TFAP4: variants seen among roughly 807,000 people sequenced by gnomAD.
TFAP4 encodes the protein transcription factor AP-4, also known as activating enhancer-binding protein 4.
Under a neutral mutation model 40.4 loss-of-function variants are expected in TFAP4, and 7 were observed. The ratio of observed to expected loss-of-function variants is 0.17; its 90% CI spans 0.10 to 0.33. TFAP4 has a LOEUF of 0.33. Ranked by LOEUF, TFAP4 falls within the 10% of genes least tolerant of loss-of-function variation. The pLI, the probability that TFAP4 is intolerant of heterozygous loss-of-function variation, is 1.00. For missense variants in TFAP4, 374 were observed against 451.1 expected (o/e 0.83, Z 1.55); for synonymous variants, 218 against 181.4 (o/e 1.20, Z -1.62).
intron 5 of TFAP4, 91 bp from the exon 6 acceptor site, chr16:4,260,336 C>T (rs530201431): frequency 1.2e-5 from 18 of 1,506,484 alleles, no homozygotes; most frequent in Non-Finnish European, 1.6e-5. Context: ...GTATAACTGC[C>T]TCTGCCCCTT....
chr16:4,263,485 T>A (rs1487320451), intron 1 of TFAP4: 1 of 152,234 alleles, frequency 6.6e-6, no homozygotes, highest in African/African-American at 2.4e-5. Context: ...ACCCCAGGAC[T>A]GAGGAAGACG....
At position 4,272,777 on chromosome 16, in the gene TFAP4, A is replaced by G. The variant is rs764881973; in HGVS notation, c.-31T>C. 5 of 1,603,036 alleles carry G rather than the reference A, an allele frequency of 3.1e-6. No individual in the cohort carries two copies. In the African/African-American group the frequency reaches 6.7e-5, roughly 21 times the overall value. ...TCGGCCCCCCTCCTCTGCACGAGCC[A>G]GGTCCCGCGATCAGCCGGAGAATGC... On this transcript the variant is annotated 5_prime_UTR_variant, in exon 1 of 7. Coordinates refer to ENST00000204517, the MANE Select transcript of TFAP4 (RefSeq NM_003223.3).
chr16:4,260,897 C>T lies in TFAP4; in HGVS notation c.526-302G>A, dbSNP rs1033517854. Among the ~76,000 whole-genome samples the T allele has an allele frequency of 5.9e-5, 9 of 152,234 alleles. No individual in the cohort carries two copies. The East Asian group carries it at 1.5e-3, about 26-fold the overall frequency. On this transcript the variant is annotated intron_variant, in intron 4 of 6. Coordinates refer to ENST00000204517, the MANE Select transcript of TFAP4 (RefSeq NM_003223.3). ...CAACTTCCCACTTCCATGGAGATGC[C>T]GTGGGGCGTCCCTTGAAAAACCCCT...
At chr16:4,261,612 C>T (rs1374141669) in intron 4 of TFAP4, among the ~76,000 whole-genome samples, 167 bp downstream of exon 4, 1 of 152,168 alleles carries the variant, frequency 6.6e-6, no homozygotes, top group Non-Finnish European at 1.5e-5. Context: ...AGACGGTGGC[C>T]CCCAAGGGCA....
intron 5 of TFAP4, 75 bp from the exon 6 acceptor site, chr16:4,260,320 G>T: frequency 6.6e-7 from 1 of 1,510,476 alleles, no homozygotes; most frequent in Non-Finnish European, 8.8e-7. Flanking sequence ...TGCAGAGCTG[G>T]CCAATGTATA....
rs754907282 is a variant in TFAP4 at position 4,262,574 on chromosome 16, T to A, written c.217A>T (p.Thr73Ser). Reference protein sequence around the residue: ...SINAGFQSLKTLIPHTDGEKL... With the variant: ...SINAGFQSLKSLIPHTDGEKL... ...TCTCCGTCTGTGTGGGGGATGAGGG[T>A]CTTGAGGGACTGGAATCCCGCGTTG... The change falls in exon 2 of 7, where the codon ACC becomes TCC. Residue 73 changes from threonine (T) to serine (S), a missense_variant. Transcript: ENST00000204517. 1 of 1,612,416 alleles carries A rather than the reference T, an allele frequency of 6.2e-7. No homozygotes were observed. Among genetic ancestry groups the A allele is most frequent in the South Asian group, 1.1e-5 (1 of 91,074 alleles).
intron 4 of TFAP4, among the ~76,000 whole-genome samples, chr16:4,261,356 T>C (rs1285385794): frequency 1.3e-5 from 2 of 151,670 alleles, no homozygotes; most frequent in Non-Finnish European, 2.9e-5. Context: ...CTCGGCTCAC[T>C]GCAAGCTCTG....
chr16:4,258,494 G>C (rs1349564889), intron 6 of TFAP4: 6 of 383,440 alleles, frequency 1.6e-5, no homozygotes, highest in Non-Finnish European at 2.8e-5. Context: ...GCTTACTGCA[G>C]TCAGACTCCT....
In TFAP4 at chr16:4,272,669, T is replaced by G; in HGVS notation, c.78A>C (p.Gly26=). 6.2e-7 allele frequency: 1 copy of G among 1,612,376 alleles called. No individual in the cohort carries two copies. The highest frequency in any genetic ancestry group is 1.1e-5 in the South Asian group (1 of 90,912). ...HFRKTEKEVI[G]GLCSLANIPL... The stretch of plus-strand genomic sequence containing the variant: ...GGAGGAGTACACACCTACAGAGCCC[T>G]CCTATCACTTCTTTCTCTGTTTTCC... Residue 26 remains glycine, a synonymous_variant, in exon 1 of 7, where the codon GGA becomes GGC. Transcript: ENST00000204517.
chr16:4,267,605 G>T (rs2053007748), intron 1 of TFAP4, among the ~76,000 whole-genome samples: 1 of 152,164 alleles, frequency 6.6e-6, no homozygotes, highest in Admixed American at 6.5e-5. Flanking sequence ...CTCCTGCCCA[G>T]GCCAAAGTCA....
In TFAP4 at chr16:4,258,143, G is replaced by C. The variant is rs778649498; in HGVS notation, c.929C>G (p.Ser310Cys). ...GGCCTCGGAGTCGGAGGCGGTGTCAGAGGTGGGGGCCTCCGGGCAGCTGCG... is the reference window on the plus strand; with the variant it reads ...GGCCTCGGAGTCGGAGGCGGTGTCACAGGTGGGGGCCTCCGGGCAGCTGCG... ...PVRSCPEAPT[S>C]DTASDSEASD... Residue 310 changes from serine (S) to cysteine (C), a missense_variant, in exon 7 of 7, where the codon TCT becomes TGT. Ser to Cys is a moderately radical substitution (Grantham distance 112, BLOSUM62 -1). Coordinates refer to ENST00000204517, the MANE Select transcript of TFAP4 (RefSeq NM_003223.3). 5.6e-6 allele frequency: 9 copies of C among 1,614,042 alleles called. No individual in the cohort carries two copies. The highest frequency in any genetic ancestry group is 7.6e-6 in the Non-Finnish European group (9 of 1,180,008).
In TFAP4 at chr16:4,260,224, T is replaced by TGGTGCCACTATCTGGGTGGGGTGGGGGGG; in HGVS notation, c.687_688insCCCCCCCACCCCACCCAGATAGTGGCACC (p.Thr230ProfsTer16). 1 of 223,764 alleles carries TGGTGCCACTATCTGGGTGGGGTGGGGGGG rather than the reference T, an allele frequency of 4.5e-6. No individual in the cohort carries two copies. Among genetic ancestry groups the TGGTGCCACTATCTGGGTGGGGTGGGGGGG allele is most frequent in the Non-Finnish European group, 7.9e-6 (1 of 126,040 alleles). The allele number at this position is 223,764 out of a possible 1,614,324, so 13.9% of individuals were successfully genotyped here. A position where few individuals can be genotyped will look rare whatever the true frequency, so the allele number is the denominator to read the frequency against. ...GGCACGATCACCGTGGGGTGGTGGGTGGGGGCCGGAGGGGGCAGAAGCTGC... is the reference window on the plus strand; with the variant it reads ...GGCACGATCACCGTGGGGTGGTGGGTGGTGCCACTATCTGGGTGGGGTGGGGGGGGGGGGCCGGAGGGGGCAGAAGCTGC... On this transcript the variant is annotated frameshift_variant, in exon 6 of 7. Coordinates refer to ENST00000204517, the MANE Select transcript of TFAP4 (RefSeq NM_003223.3). LOFTEE classifies it high-confidence loss of function.
In TFAP4 at chr16:4,272,944, G is replaced by A. The variant is rs1361278654; in HGVS notation, c.-198C>T. On this transcript the variant is annotated 5_prime_UTR_variant, in exon 1 of 7. Transcript: ENST00000204517. The stretch of plus-strand genomic sequence containing the variant: ...GGAGGTCTCTCCGGCCTGCCTCCCC[G>A]GGCGTGTGTATGTGTGTGTGTGTGT... The A allele has an allele frequency of 6.7e-5, 35 of 522,676 alleles. 2 individuals are homozygous for A. The Admixed American group carries it at 1.1e-3, about 16-fold the overall frequency. 32.4% of individuals were successfully genotyped at this position (522,676 alleles called of 1,614,324 possible).
chr16:4,260,024 C>T, intron 6 of TFAP4, 66 bp downstream of exon 6: 1 of 1,498,664 alleles, frequency 6.7e-7, no homozygotes, highest in Admixed American at 2.2e-5. Flanking sequence ...CTTTTCCAGT[C>T]TCCCCTAAAG....
intron 1 of TFAP4, among the ~76,000 whole-genome samples, chr16:4,272,196 G>A (rs1404758962): frequency 6.6e-6 from 1 of 151,262 alleles, no homozygotes; most frequent in Non-Finnish European, 1.5e-5. Flanking sequence ...CGGGAGCCGC[G>A]GCATGGCTGC....
chr16:4,262,194 A>G (rs1379205146), intron 3 of TFAP4, 130 bp downstream of exon 3: 22 of 1,147,764 alleles, frequency 1.9e-5, no homozygotes, highest in Non-Finnish European at 2.7e-5. Context: ...CCGGGGCAGG[A>G]AAAAAAGTGC....
intron 1 of TFAP4, chr16:4,265,673 T>C (rs1034010199): frequency 3.5e-5 from 5 of 141,064 alleles, no homozygotes; most frequent in African/African-American, 1.3e-4. Context: ...ATCGTGTAAC[T>C]CTTTTTATTA....
In TFAP4 at chr16:4,260,215, G is replaced by C; in HGVS notation, c.697C>G (p.Pro233Ala). The change falls in exon 6 of 7, where the codon CCC becomes GCC. Residue 233 changes from proline to alanine, a missense_variant. Transcript: ENST00000204517. ...LLPPPAPTHH[P>A]TVIVPAPPPP... is the part of the protein sequence containing the mutation. The stretch of plus-strand genomic sequence containing the variant: ...GGCGGTGCTGGCACGATCACCGTGG[G>C]GTGGTGGGTGGGGGCCGGAGGGGGC... The C allele has an allele frequency of 6.4e-7, 1 of 1,565,560 alleles. No homozygotes were observed. The highest frequency in any genetic ancestry group is 8.6e-7 in the Non-Finnish European group (1 of 1,158,828).
intron 1 of TFAP4, among the ~76,000 whole-genome samples, chr16:4,271,152 G>A (rs2141098256): frequency 6.6e-6 from 1 of 152,388 alleles, no homozygotes; most frequent in Non-Finnish European, 1.5e-5. Context: ...ACTGGCCCAA[G>A]TCTAGGTATT....
Sources: gnomAD v4.1 joint callset for allele counts (sites outside exome capture counted in the v4.1 genomes callset) on GRCh38, gnomAD v4.1.1 for gene constraint, MANE v1.5 for transcripts, NCBI Gene and HGNC (gene_info 2026-07-23, HGNC 2026-07-21) for gene names.